Variants in DNAH10 observed in about 807,000 individuals in gnomAD.
DNAH10 encodes axonemal beta dynein heavy chain 10.
In DNAH10, 348 loss-of-function variants were observed where a neutral mutation model predicts 506.6. The observed-to-expected ratio is 0.69, with a 90% CI of 0.63 to 0.75. The LOEUF is 0.75. DNAH10 is among the 30% of genes least tolerant of loss of function. DNAH10 has a pLI of 0.00. For synonymous variants in DNAH10, 2,059 were observed against 2,198.6 expected, an observed-to-expected ratio of 0.94 and a Z score of 1.78; for missense variants, 5,179 against 5,787.1, an observed-to-expected ratio of 0.89 and a Z score of 3.41.
intron 4 of DNAH10, 43 bp from the exon 5 acceptor site, chr12:123,774,106 C>T: frequency 1.6e-6 from 2 of 1,269,556 alleles, no homozygotes; most frequent in Non-Finnish European, 2.2e-6. Context: ...CTGTTGGCTG[C>T]TCTCTCCCAC....
Position 123,926,549 on chromosome 12 carries a change from C to A in DNAH10, c.11922-88C>A. The A allele has an allele frequency of 7.1e-7, 1 of 1,411,722 alleles. No individual in the cohort carries two copies. The highest frequency in any genetic ancestry group is 2.4e-5 in the Admixed American group (1 of 41,356). The allele number at this position is 1,411,722 out of a possible 1,614,324, so 87.4% of individuals were successfully genotyped here. On this transcript the variant is annotated intron_variant, in intron 68 of 78. Coordinates refer to ENST00000673944, the MANE Select transcript of DNAH10 (RefSeq NM_001372106.1). This position sits in a 1 kb window ranked among gnomAD's most constrained non-coding sequence, Gnocchi z 4.1. The stretch of plus-strand genomic sequence containing the variant: ...GGAGTGGTCAGAAGGTTCTGGACAC[C>A]GGAGGAGGCAGCGCTGATCAGACAG...
At chr12:123,890,215 T>C (rs1392349962) in intron 52 of DNAH10, among the ~76,000 whole-genome samples, 1 of 152,202 alleles carries the variant, frequency 6.6e-6, no homozygotes, top group Non-Finnish European at 1.5e-5. Context: ...GATAAGATTT[T>C]ATTCTCAGTG....
chr12:123,771,720 T>G, intron 3 of DNAH10, 22 bp downstream of exon 3: 1 of 1,587,134 alleles, frequency 6.3e-7, no homozygotes, highest in Non-Finnish European at 8.6e-7. Context: ...TCTTTGTCCT[T>G]GTTGGTGGGG....
At chr12:123,820,416 G>C (rs945899047) in intron 23 of DNAH10, among the ~76,000 whole-genome samples, 164 bp from the exon 24 acceptor site, 4 of 152,084 alleles carry the variant, frequency 2.6e-5, no homozygotes, top group African/African-American at 9.7e-5. Flanking sequence ...AGATGTCATT[G>C]GTCTTTTGGT....
At position 123,926,763 on chromosome 12, in the gene DNAH10, A is replaced by G; in HGVS notation, c.12048A>G (p.Arg4016=). The change falls in exon 69 of 79, where the codon CGA becomes CGG. Residue 4016 remains arginine (R), a synonymous_variant. Transcript: ENST00000673944. This position sits in a 1 kb window ranked among gnomAD's most constrained non-coding sequence, Gnocchi z 4.1. ...CTGATCTTATGAAATTAGCAGAGCG[A>G]AGTGGTTTTGGAGGAAATCGCCTCA... ...PATDLMKLAE[R]SGFGGNRLKF... 6.2e-7 allele frequency: 1 copy of G among 1,613,986 alleles called. No individual in the cohort carries two copies.
Position 123,877,863 on chromosome 12 carries a change from A to T in DNAH10, c.8327A>T (p.Asp2776Val). The T allele has an allele frequency of 6.2e-7, 1 of 1,613,944 alleles. No homozygotes were observed. The highest frequency in any genetic ancestry group is 8.5e-7 in the Non-Finnish European group (1 of 1,179,886). Reference sequence around the variant, plus strand: ...TTCCATTACATCTTCAACCTTCGAGATCTCTCACGGGTTTTTAATGGTCTT... The same window carrying T: ...TTCCATTACATCTTCAACCTTCGAGTTCTCTCACGGGTTTTTAATGGTCTT... ...SKFHYIFNLR[D>V]LSRVFNGLVL... Residue 2776 changes from aspartate (D) to valine (V), a missense_variant, in exon 48 of 79, where the codon GAT becomes GTT. This residue lies in a region of DNAH10 where 4,844 missense variants were observed against 5,430.5 expected (regional missense o/e 0.89). Transcript: ENST00000673944.
At chr12:123,933,155 C>G (rs542448048) in intron 76 of DNAH10, among the ~76,000 whole-genome samples, 176 bp from the exon 77 acceptor site, 1 of 152,346 alleles carries the variant, frequency 6.6e-6, no homozygotes, top group African/African-American at 2.4e-5. Context: ...TTTGATCTAC[C>G]TGGAATGTGG....
intron 76 of DNAH10, 82 bp downstream of exon 76, chr12:123,932,190 C>A: frequency 6.5e-7 from 1 of 1,541,808 alleles, no homozygotes; most frequent in Non-Finnish European, 8.9e-7. Flanking sequence ...TCCCCTCTTT[C>A]CATTGCCCAG....
At chr12:123,878,208 A>G (rs1302073890) in intron 48 of DNAH10, among the ~76,000 whole-genome samples, 2 of 152,226 alleles carry the variant, frequency 1.3e-5, no homozygotes, top group African/African-American at 4.8e-5. Context: ...ATTTGCCTGC[A>G]TGGAGCCTTT....
At chr12:123,791,947 T>G (rs2136225923) in intron 11 of DNAH10, among the ~76,000 whole-genome samples, 1 of 152,266 alleles carries the variant, frequency 6.6e-6, no homozygotes, top group Non-Finnish European at 1.5e-5. Flanking sequence ...TTTTCCACAA[T>G]TTTAGATGTT....
rs775452835 is a variant in DNAH10, at chr12:123,914,364, G to A, written c.10388G>A (p.Arg3463His). The A allele has an allele frequency of 8.7e-6, 14 of 1,613,170 alleles. No homozygotes were observed. Among genetic ancestry groups the A allele is most frequent in the South Asian group, 2.2e-5 (2 of 91,086 alleles). The change falls in exon 61 of 79, where the codon CGC (arginine) becomes CAC (histidine). Residue 3463 changes from arginine (R) to histidine (H), a missense_variant. Arg to His is a conservative substitution (Grantham distance 29, BLOSUM62 0). Coordinates refer to ENST00000673944, the MANE Select transcript of DNAH10 (RefSeq NM_001372106.1). ...LNDLDELMHRRVKLLGDCLLC... is the reference protein window; with the variant it reads ...LNDLDELMHRHVKLLGDCLLC... ...GACCTGGATGAGCTGATGCACCGGC[G>A]CGTGAAGCTGCTGGGGGACTGCCTG...
At position 123,853,930 on chromosome 12, in the gene DNAH10, A is replaced by G. The variant is rs1435879126; in HGVS notation, c.6438+578A>G. The stretch of plus-strand genomic sequence containing the variant: ...CATGTACACATACGCACACGCACGC[A>G]CACGCACACGCACACACACACACAT... On this transcript the variant is annotated intron_variant, in intron 36 of 78. Coordinates refer to ENST00000673944, the MANE Select transcript of DNAH10 (RefSeq NM_001372106.1). The surrounding 1 kb of genome is among the most constrained non-coding windows in gnomAD (Gnocchi z 4.7). 6.7e-6 allele frequency among the ~76,000 whole-genome samples: 1 copy of G among 150,154 alleles called. No individual in the cohort carries two copies. The highest frequency in any genetic ancestry group is 1.5e-5 in the Non-Finnish European group (1 of 67,138).
rs966068081 is a variant in DNAH10, at chr12:123,917,948, G to A, written c.11232+135G>A. The A allele has an allele frequency of 6.3e-6, 6 of 950,568 alleles. No homozygotes were observed. Among genetic ancestry groups the A allele is most frequent in the Non-Finnish European group, 9.4e-6 (6 of 640,836 alleles). 58.9% of individuals were successfully genotyped at this position (950,568 alleles called of 1,614,324 possible). A position where few individuals can be genotyped will look rare whatever the true frequency, so the allele number is the denominator to read the frequency against. On this transcript the variant is annotated intron_variant, in intron 64 of 78. Transcript: ENST00000673944. The surrounding 1 kb of genome is among the most constrained non-coding windows in gnomAD (Gnocchi z 5.6). ...GCTAAAAACCCACCTCTATTGGGATGTGCTGTGGGGAGGGGAGCCCTAAAG... is the reference window on the plus strand; with the variant it reads ...GCTAAAAACCCACCTCTATTGGGATATGCTGTGGGGAGGGGAGCCCTAAAG...
chr12:123,815,766 G>A (rs1181660568), intron 21 of DNAH10, among the ~76,000 whole-genome samples: 1 of 152,204 alleles, frequency 6.6e-6, no homozygotes, highest in Non-Finnish European at 1.5e-5. Flanking sequence ...ATCATGGAAT[G>A]TACTTATACA....
chr12:123,906,136 G>A (rs1480787061), intron 57 of DNAH10, among the ~76,000 whole-genome samples: 2 of 152,022 alleles, frequency 1.3e-5, no homozygotes, highest in Non-Finnish European at 2.9e-5. Context: ...GTTTCACCAT[G>A]TTAGCCAGGA....
At position 123,817,353 on chromosome 12, in the gene DNAH10, A is replaced by G. The variant is rs142141455; in HGVS notation, c.3781-1597A>G. ...TCCACATATGTTGGACCTTTCTACA[A>G]TACCCTGTACATCTTACATTCCTTT... On this transcript the variant is annotated intron_variant, in intron 21 of 78. Transcript: ENST00000673944. 5.4e-3 allele frequency among the ~76,000 whole-genome samples: 813 copies of G among 151,858 alleles called. 9 individuals carry two copies. Among genetic ancestry groups the G allele is most frequent in the African/African-American group, 0.018 (759 of 41,458 alleles).
At chr12:123,923,607 T>TA (rs1954820438) in intron 65 of DNAH10, 156 bp from the exon 66 acceptor site, 2 of 564,722 alleles carry the variant, frequency 3.5e-6, no homozygotes, top group South Asian at 4.7e-5. Flanking sequence ...CTCTTGAACT[T>TA]AGATATTCAT....
chr12:123,835,367 G>A (rs1434044683), intron 27 of DNAH10, 39 bp from the exon 28 acceptor site: 1 of 1,605,238 alleles, frequency 6.2e-7, no homozygotes, highest in South Asian at 1.1e-5. Flanking sequence ...GGAGGTATCT[G>A]ATAACCCCTG....
chr12:123,855,227 A>T (rs1265347903), intron 36 of DNAH10, among the ~76,000 whole-genome samples: 1 of 152,194 alleles, frequency 6.6e-6, no homozygotes, highest in Non-Finnish European at 1.5e-5. Flanking sequence ...ATTTCCAGAT[A>T]GTGAACGCTG....
Sources: allele counts gnomAD v4.1 joint callset (sites outside exome capture counted in the v4.1 genomes callset), GRCh38; gene constraint gnomAD v4.1.1; regional missense constraint gnomAD v4.1.1; non-coding constraint Gnocchi (gnomAD v3.1); transcripts MANE v1.5; gene names NCBI Gene and HGNC (gene_info 2026-07-23, HGNC 2026-07-21).